The following PWP1 variants were observed in gnomAD, a reference collection of about 807,000 sequenced individuals.
PWP1 encodes the protein PWP1 homolog, endonuclein, also known as periodic tryptophan protein 1 homolog.
A neutral mutation model predicts 69.9 loss-of-function variants in PWP1; 47 were observed. The ratio of observed to expected loss-of-function variants is 0.67; its 90% CI spans 0.53 to 0.86. The LOEUF (loss-of-function observed/expected upper bound fraction) is 0.86. Ranked by LOEUF, PWP1 falls within the 40% of genes least tolerant of loss-of-function variation. The probability of loss-of-function intolerance (pLI) is 0.00; values close to 1 mark genes in which losing one functional copy is unlikely to be tolerated. For missense variants in PWP1, 551 were observed against 608.8 expected (o/e 0.91, Z 1.00); for synonymous variants, 222 against 208.2 (o/e 1.07, Z -0.57).
chr12:107,688,415 A>G, intron 1 of PWP1, 33 bp from the exon 2 acceptor site: 1 of 1,575,712 alleles, frequency 6.3e-7, no homozygotes. Flanking sequence ...ATTTCCTTAC[A>G]CATATTGTAA....
intron 3 of PWP1, 98 bp from the exon 4 acceptor site, chr12:107,692,716 T>G: frequency 1.0e-6 from 1 of 998,772 alleles, no homozygotes; most frequent in African/African-American, 1.6e-5. Flanking sequence ...AGTTATAAAA[T>G]AGATGATTGC....
intron 1 of PWP1, among the ~76,000 whole-genome samples, chr12:107,686,923 A>G (rs1378017843): frequency 2.1e-5 from 3 of 141,714 alleles, no homozygotes; most frequent in African/African-American, 8.0e-5. Context: ...CCGAGATCGC[A>G]CAGCTGCACT....
intron 3 of PWP1, among the ~76,000 whole-genome samples, chr12:107,690,489 A>G (rs1276208557): frequency 2.6e-5 from 4 of 152,208 alleles, no homozygotes; most frequent in Non-Finnish European, 4.4e-5. Context: ...TGTGAGACGG[A>G]GTCTTGCTCT....
Position 107,686,196 on chromosome 12 carries a change from C to G in PWP1, c.72+225C>G, listed in dbSNP as rs1431875305. On this transcript the variant is annotated intron_variant, in intron 1 of 14. Transcript: ENST00000412830. The stretch of plus-strand genomic sequence containing the variant: ...CGCGCCTTCTCACTGTTCCCACCCT[C>G]AAGCCCAACCCCACTCCCAAATTCG... 6.8e-6 allele frequency: 4 copies of G among 592,252 alleles called. No homozygotes were observed. The African/African-American group carries it at 7.4e-5, about 11-fold the overall frequency. The allele number at this position is 592,252 out of a possible 1,614,324, so 36.7% of individuals were successfully genotyped here.
At chr12:107,707,127 G>A (rs1889839449) in intron 11 of PWP1, among the ~76,000 whole-genome samples, 1 of 152,130 alleles carries the variant, frequency 6.6e-6, no homozygotes, top group Non-Finnish European at 1.5e-5. Flanking sequence ...TTCCTTGTAA[G>A]TTGGATTCCT....
chr12:107,696,501 A>G lies in PWP1; in HGVS notation c.530A>G (p.Tyr177Cys), dbSNP rs1273648163. Residue 177 changes from tyrosine to cysteine, a missense_variant, in exon 6 of 15, where the codon TAT becomes TGT. Coordinates refer to ENST00000412830, the MANE Select transcript of PWP1 (RefSeq NM_007062.3). ...HVYNQEEDSF[Y>C]VHHDILLSAY... ...TATAATCAAGAAGAAGACTCTTTTT[A>G]TGTACACCATGATATACTCTTGTCT... 5 of 1,613,902 alleles carry G rather than the reference A, an allele frequency of 3.1e-6. No homozygotes were observed. In the South Asian group the frequency reaches 4.4e-5, roughly 14 times the overall value.
At chr12:107,694,540 C>A (rs1439310233) in intron 5 of PWP1, among the ~76,000 whole-genome samples, 1 of 152,174 alleles carries the variant, frequency 6.6e-6, no homozygotes. Flanking sequence ...TCATTGTGAT[C>A]TGTTTATGCA....
At position 107,712,839 on chromosome 12, in the gene PWP1, A is replaced by G. The variant is rs1889985852; in HGVS notation, c.*619A>G. ...AATGCCATTCTGTGCCTAGTGCTAT[A>G]CAAGGCATGGGAGATTCAGTGTGAA... On this transcript the variant is annotated 3_prime_UTR_variant, in exon 15 of 15. Coordinates refer to ENST00000412830, the MANE Select transcript of PWP1 (RefSeq NM_007062.3). 1.3e-5 allele frequency: 2 copies of G among 152,408 alleles called. No individual in the cohort carries two copies. Among genetic ancestry groups the G allele is most frequent in the South Asian group, 4.1e-4 (2 of 4,826 alleles). 9.4% of individuals were successfully genotyped at this position (152,408 alleles called of 1,614,324 possible).
At chr12:107,699,824 A>G (rs1198543837) in intron 8 of PWP1, among the ~76,000 whole-genome samples, 1 of 152,226 alleles carries the variant, frequency 6.6e-6, no homozygotes, top group Non-Finnish European at 1.5e-5. Context: ...AAATACATAT[A>G]ACATAAAAGT....
In PWP1 at chr12:107,688,484, G is replaced by A; in HGVS notation, c.109G>A (p.Ala37Thr). The change falls in exon 2 of 15, where the codon GCT becomes ACT. Residue 37 changes from alanine to threonine, a missense_variant. By Grantham distance (58) the Ala-to-Thr change is moderately conservative. Transcript: ENST00000412830. ...LSKEEVKRLI[A>T]EAKEKLQEEG... is the part of the protein sequence containing the mutation. ...TAAAGAAGAAGTAAAACGCCTCATTGCTGAGGCAAAGGAGAAATTGCAGTA... is the reference window on the plus strand; with the variant it reads ...TAAAGAAGAAGTAAAACGCCTCATTACTGAGGCAAAGGAGAAATTGCAGTA... 6.2e-7 allele frequency: 1 copy of A among 1,614,032 alleles called. No homozygotes were observed. Among genetic ancestry groups the A allele is most frequent in the East Asian group, 2.2e-5 (1 of 44,884 alleles).
intron 1 of PWP1, 34 bp from the exon 2 acceptor site, chr12:107,688,412 TAC>T: frequency 6.4e-7 from 1 of 1,562,576 alleles, no homozygotes; most frequent in Non-Finnish European, 8.7e-7. Context: ...ATGATTTCCT[TAC>T]ACATATTGTA....
intron 3 of PWP1, among the ~76,000 whole-genome samples, chr12:107,690,755 T>C (rs562359270): frequency 6.4e-4 from 97 of 152,068 alleles, no homozygotes; most frequent in Non-Finnish European, 1.2e-3. Context: ...GAGTCGAAAA[T>C]GACATTGAGG....
chr12:107,711,233 A>G (rs1187905638), intron 14 of PWP1, among the ~76,000 whole-genome samples: 2 of 152,176 alleles, frequency 1.3e-5, no homozygotes, highest in African/African-American at 2.4e-5. Context: ...CGCTCATGCT[A>G]TTGTTTGTGG....
chr12:107,692,305 C>A (rs964841906), intron 3 of PWP1, among the ~76,000 whole-genome samples: 1 of 152,188 alleles, frequency 6.6e-6, no homozygotes, highest in African/African-American at 2.4e-5. Context: ...TACTGCATTT[C>A]TTTTTTCATA....
intron 3 of PWP1, among the ~76,000 whole-genome samples, chr12:107,691,468 A>G (rs1238172421): frequency 6.6e-6 from 1 of 152,250 alleles, no homozygotes; most frequent in Non-Finnish European, 1.5e-5. Context: ...CTCTGGCAAC[A>G]GTGGAGAACA....
intron 1 of PWP1, chr12:107,686,281 C>A (rs987403350): frequency 2.1e-5 from 10 of 483,174 alleles, no homozygotes; most frequent in Non-Finnish European, 3.4e-5. Flanking sequence ...TGGGTAATAC[C>A]CCAAAAGGCT....
At chr12:107,695,072 G>A (rs1396931102) in intron 5 of PWP1, among the ~76,000 whole-genome samples, 2 of 150,006 alleles carry the variant, frequency 1.3e-5, no homozygotes, top group Non-Finnish European at 3.0e-5. Flanking sequence ...TGGCTAACAC[G>A]GTAAAACCCA....
At chr12:107,709,366 T>A in intron 13 of PWP1, 134 bp downstream of exon 13, 1 of 1,195,082 alleles carries the variant, frequency 8.4e-7, no homozygotes. Flanking sequence ...AAGTGAATTT[T>A]GAGTTTAGTC....
intron 11 of PWP1, among the ~76,000 whole-genome samples, chr12:107,706,053 G>A (rs1044881270): frequency 2.6e-5 from 4 of 152,162 alleles, no homozygotes; most frequent in Non-Finnish European, 5.9e-5. Context: ...CATCTCTCCA[G>A]CACCTGTTGT....
Sources: gnomAD v4.1 joint callset for allele counts (sites outside exome capture counted in the v4.1 genomes callset) on GRCh38, gnomAD v4.1.1 for gene constraint, MANE v1.5 for transcripts, NCBI Gene and HGNC (gene_info 2026-07-23, HGNC 2026-07-21) for gene names.